Variants in TLR5 observed in about 807,000 individuals in gnomAD.
The protein encoded by TLR5 is toll like receptor 5.
For missense variants in TLR5, 944 were observed against 999.8 expected (o/e 0.94, Z 0.75); for synonymous variants, 373 against 384.4 (o/e 0.97, Z 0.35).
chr1:223,116,870 C>CCA (rs1279604449), intron 5 of TLR5, among the ~76,000 whole-genome samples: 1 of 152,234 alleles, frequency 6.6e-6, no homozygotes, highest in Non-Finnish European at 1.5e-5. Context: ...CTCCAAGTCC[C>CCA]CACCTGACTC....
Position 223,131,744 on chromosome 1 carries a change from T to C in TLR5, c.-5+731A>G, listed in dbSNP as rs549201144. ...ATGCCCAGCTAATTTTTGTTGTTGT[T>C]GTTGTTGTTTTTGTTTTGTAGAGAC... On this transcript the variant is annotated intron_variant, in intron 5 of 5. Transcript: ENST00000642603. This position sits in a 1 kb window ranked among gnomAD's most constrained non-coding sequence, Gnocchi z 4.2. Among the ~76,000 whole-genome samples, 1 of 151,944 alleles carries C rather than the reference T, an allele frequency of 6.6e-6. No individual in the cohort carries two copies. The highest frequency in any genetic ancestry group is 2.0e-4 in the East Asian group (1 of 5,110).
chr1:223,133,241 G>A (rs851177), intron 4 of TLR5, among the ~76,000 whole-genome samples: 2,821 of 152,310 alleles, frequency 0.019, 89 homozygotes, highest in African/African-American at 0.065. Context: ...TTAAGCACTT[G>A]TCTAAGATCT....
intron 2 of TLR5, among the ~76,000 whole-genome samples, chr1:223,138,486 T>A (rs1413694029): frequency 1.3e-5 from 2 of 152,154 alleles, no homozygotes; most frequent in African/African-American, 4.8e-5. Context: ...GCTTCTTCCA[T>A]CAGTGACCAC....
rs753536770 is a variant in TLR5, at chr1:223,112,190, G to C, written c.842C>G (p.Thr281Arg). The change falls in exon 6 of 6, where the codon ACA becomes AGA. Residue 281 changes from threonine to arginine, a missense_variant. Transcript: ENST00000642603. ...TGAACTTCTGGCCAGGCCAGCAAAT[G>C]TGTTCTGGTCAGGATCTTTGATGTT... is the stretch of plus-strand genomic sequence containing the variant. Reference protein sequence around the residue: ...FHNIKDPDQNTFAGLARSSVR... With the variant: ...FHNIKDPDQNRFAGLARSSVR... 1.3e-5 allele frequency: 21 copies of C among 1,614,084 alleles called. No homozygotes were observed. The highest frequency in any genetic ancestry group is 1.8e-5 in the Non-Finnish European group (21 of 1,180,054).
At chr1:223,113,063 A>C in intron 5 of TLR5, 28 bp from the exon 6 acceptor site, 1 of 1,611,914 alleles carries the variant, frequency 6.2e-7, no homozygotes. Flanking sequence ...GAATGAAAAC[A>C]CAGGCATTTA....
intron 5 of TLR5, among the ~76,000 whole-genome samples, chr1:223,113,920 T>C (rs1235294806): frequency 5.3e-5 from 8 of 152,248 alleles, no homozygotes; most frequent in Non-Finnish European, 8.8e-5. Context: ...GCTCGGCTGA[T>C]GAGTGGAAAA....
rs149645313 is a variant in TLR5 at position 223,114,996 on chromosome 1, G to A, written c.-4-1961C>T. On this transcript the variant is annotated intron_variant, in intron 5 of 5. Coordinates refer to ENST00000642603, the MANE Select transcript of TLR5 (RefSeq NM_003268.6). ...GGGCCAGACTGGAGACTCCTCACTGGCTCTCTTATTTCTGGTCTTGCTTTC... is the reference window on the plus strand; with the variant it reads ...GGGCCAGACTGGAGACTCCTCACTGACTCTCTTATTTCTGGTCTTGCTTTC... Among the ~76,000 whole-genome samples the A allele has an allele frequency of 2.7e-3, 408 of 152,186 alleles. 3 individuals carry two copies. Among genetic ancestry groups the A allele is most frequent in the African/African-American group, 9.3e-3 (385 of 41,518 alleles).
chr1:223,117,143 G>A (rs934803887), intron 5 of TLR5, among the ~76,000 whole-genome samples: 4 of 152,218 alleles, frequency 2.6e-5, no homozygotes, highest in East Asian at 1.9e-4. Context: ...CGAGTGTGGC[G>A]CCGGCGGGGC....
chr1:223,120,865 T>G (rs1656922552), intron 5 of TLR5, among the ~76,000 whole-genome samples: 1 of 152,226 alleles, frequency 6.6e-6, no homozygotes, highest in South Asian at 2.1e-4. Context: ...GTAGATCACT[T>G]GATCCCAGAA....
Position 223,112,166 on chromosome 1 carries a change from G to A in TLR5, c.866C>T (p.Ser289Leu), listed in dbSNP as rs767519752. Reference sequence around the variant, plus strand: ...ATGTGAAAGATCCAGGTGTCTCACTGAACTTCTGGCCAGGCCAGCAAATGT... The same window carrying A: ...ATGTGAAAGATCCAGGTGTCTCACTAAACTTCTGGCCAGGCCAGCAAATGT... ...QNTFAGLARS[S>L]VRHLDLSHGF... Residue 289 changes from serine (S) to leucine (L), a missense_variant, in exon 6 of 6, where the codon TCA (serine) becomes TTA (leucine). Physicochemically the swap from Ser to Leu is moderately radical, Grantham distance 145. Transcript: ENST00000642603. 5.6e-6 allele frequency: 9 copies of A among 1,614,008 alleles called. No homozygotes were observed. The African/African-American group carries it at 1.1e-4, about 19-fold the overall frequency.
chr1:223,129,106 C>T (rs1657290804), intron 5 of TLR5: 1 of 152,310 alleles, frequency 6.6e-6, no homozygotes, highest in East Asian at 1.9e-4. Context: ...CTTCATGCCT[C>T]CCCACCATTC....
chr1:223,110,458 G>A lies in TLR5; in HGVS notation c.2574C>T (p.Ser858=). The change falls in exon 6 of 6, where the codon TCC becomes TCT. Residue 858 remains serine, a synonymous_variant. Transcript: ENST00000642603. ...AAGTTGGAAATTGCTCCTTTGATTAGGAGATGGTTGCTACAGTTTGCAACG... is the reference window on the plus strand; with the variant it reads ...AAGTTGGAAATTGCTCCTTTGATTAAGAGATGGTTGCTACAGTTTGCAACG... ...NIPLQTVATI[S] 1 of 1,614,042 alleles carries A rather than the reference G, an allele frequency of 6.2e-7. No homozygotes were observed. The highest frequency in any genetic ancestry group is 8.5e-7 in the Non-Finnish European group (1 of 1,179,994).
rs771041327 is a variant in TLR5 at position 223,111,332 on chromosome 1, A to G, written c.1700T>C (p.Val567Ala). 3.1e-6 allele frequency: 5 copies of G among 1,614,212 alleles called. No homozygotes were observed. The South Asian group carries it at 4.4e-5, about 14-fold the overall frequency. The stretch of plus-strand genomic sequence containing the variant: ...ATCCAAGACACTAAGTGATACAAAT[A>G]CATCAGGATTAGGAGCTAGGAGCTG... ...RNQLLAPNPDVFVSLSVLDIT... is the reference protein window; with the variant it reads ...RNQLLAPNPDAFVSLSVLDIT... Residue 567 changes from valine (V) to alanine (A), a missense_variant, in exon 6 of 6, where the codon GTA becomes GCA. Physicochemically the swap from Val to Ala is moderately conservative, Grantham distance 64. Coordinates refer to ENST00000642603, the MANE Select transcript of TLR5 (RefSeq NM_003268.6).
rs376627313 is a variant in TLR5, at chr1:223,136,989, A to C, written c.-353+189T>G. Reference sequence around the variant, plus strand: ...CAGGCACATGCTACCATGCCCAGCTAATCTTTCTATTTTTTGTAGAAGTGG... The same window carrying C: ...CAGGCACATGCTACCATGCCCAGCTCATCTTTCTATTTTTTGTAGAAGTGG... On this transcript the variant is annotated intron_variant, in intron 3 of 5. Transcript: ENST00000642603. Among the ~76,000 whole-genome samples the C allele has an allele frequency of 1.6e-3, 242 of 152,162 alleles. 1 individual carries two copies. The highest frequency in any genetic ancestry group is 5.4e-3 in the South Asian group (26 of 4,812).
intron 5 of TLR5, 138 bp from the exon 6 acceptor site, chr1:223,113,173 G>T: frequency 1.2e-6 from 1 of 827,856 alleles, no homozygotes; most frequent in Non-Finnish European, 2.0e-6. Context: ...CACAGACGTG[G>T]CTGTTGGCAG....
In TLR5 at chr1:223,112,099, G is replaced by A; in HGVS notation, c.933C>T (p.Leu311=). The change falls in exon 6 of 6, where the codon CTC becomes CTT. Residue 311 remains leucine (L), a synonymous_variant. Coordinates refer to ENST00000642603, the MANE Select transcript of TLR5 (RefSeq NM_003268.6). The part of the protein sequence containing the change: ...FSLNSRVFET[L]KDLKVLNLAY... ...CAAGGTTCAGAACCTTCAAATCCTT[G>A]AGTGTCTCAAAGACTCGTGAGTTCA... is the stretch of plus-strand genomic sequence containing the variant. 1 of 1,614,158 alleles carries A rather than the reference G, an allele frequency of 6.2e-7. No homozygotes were observed. The highest frequency in any genetic ancestry group is 8.5e-7 in the Non-Finnish European group (1 of 1,180,032).
chr1:223,135,461 C>G (rs569135896), intron 3 of TLR5, among the ~76,000 whole-genome samples: 1 of 152,124 alleles, frequency 6.6e-6, no homozygotes, highest in Non-Finnish European at 1.5e-5. Flanking sequence ...TGGTTACTTT[C>G]GAGATACATG....
rs1240980787 is a variant in TLR5 at position 223,112,479 on chromosome 1, C to A, written c.553G>T (p.Val185Leu). The A allele has an allele frequency of 4.3e-6, 7 of 1,614,074 alleles. No homozygotes were observed. The Admixed American group carries it at 1.2e-4, about 27-fold the overall frequency. Residue 185 changes from valine (V) to leucine (L), a missense_variant, in exon 6 of 6, where the codon GTA becomes TTA. Physicochemically the swap from Val to Leu is conservative, Grantham distance 32 (BLOSUM62 1). Coordinates refer to ENST00000642603, the MANE Select transcript of TLR5 (RefSeq NM_003268.6). ...AGGGGCTCGAGCTCATGTTCACATA[C>A]AAGGAATATTTGGTTGGAGGAAAAA... Reference protein sequence around the residue: ...IDFSSNQIFLVCEHELEPLQG... With the variant: ...IDFSSNQIFLLCEHELEPLQG...
At chr1:223,116,722 G>A (rs184725603) in intron 5 of TLR5, among the ~76,000 whole-genome samples, 9 of 152,264 alleles carry the variant, frequency 5.9e-5, no homozygotes, top group African/African-American at 1.4e-4. Flanking sequence ...TGATTGGTCC[G>A]TTTTGACAGG....
Sources: gnomAD v4.1 joint callset for allele counts (sites outside exome capture counted in the v4.1 genomes callset) on GRCh38, gnomAD v4.1.1 for gene constraint, Gnocchi (gnomAD v3.1) non-coding constraint, MANE v1.5 for transcripts, NCBI Gene and HGNC (gene_info 2026-07-23, HGNC 2026-07-21) for gene names.